The following TOX2 variants were observed in gnomAD, a reference collection of about 807,000 sequenced individuals.
TOX2 encodes granulosa cell HMG box 1.
TOX2 carries 15 observed loss-of-function variants against 47.4 expected under a neutral mutation model. The observed-to-expected ratio is 0.32, with a 90% confidence interval of 0.21 to 0.49. TOX2 has a LOEUF of 0.49. Among genes scored for constraint, TOX2 ranks in the 20% least tolerant of loss-of-function variants. TOX2 has a pLI of 0.99. For missense variants in TOX2, 622 were observed against 673.1 expected, an observed-to-expected ratio of 0.92 and a Z score of 0.84; for synonymous variants, 290 against 296.6, an observed-to-expected ratio of 0.98 and a Z score of 0.23.
At chr20:43,977,691 G>T (rs2070106294) in intron 2 of TOX2, among the ~76,000 whole-genome samples, 1 of 152,010 alleles carries the variant, frequency 6.6e-6, no homozygotes, top group Non-Finnish European at 1.5e-5. Flanking sequence ...TCCCTCCTTG[G>T]ACCTTGGGTT....
intron 3 of TOX2, among the ~76,000 whole-genome samples, chr20:44,028,180 A>T (rs2145677470): frequency 6.6e-6 from 1 of 152,312 alleles, no homozygotes; most frequent in South Asian, 2.1e-4. Flanking sequence ...GAGCCAGGGA[A>T]GGCCTCCTGA....
chr20:43,957,567 C>CTTTGT (rs773464627), intron 1 of TOX2, among the ~76,000 whole-genome samples: 21 of 105,794 alleles, frequency 2.0e-4, no homozygotes, highest in African/African-American at 6.6e-4. Flanking sequence ...TAAATGCCCT[C>CTTTGT]TTTTTTTTTT....
intron 3 of TOX2, among the ~76,000 whole-genome samples, chr20:44,011,375 GA>G (rs2070775815): frequency 6.6e-6 from 1 of 152,190 alleles, no homozygotes; most frequent in Admixed American, 6.5e-5. Context: ...TGCAGATGGA[GA>G]GAAGGTGAAA....
At chr20:44,066,685 C>G in intron 7 of TOX2, 45 bp from the exon 8 acceptor site, 1 of 1,613,790 alleles carries the variant, frequency 6.2e-7, no homozygotes, top group Non-Finnish European at 8.5e-7. Context: ...CAGTCTGCCC[C>G]CTCATCTCTC....
At chr20:44,010,026 G>A (rs6073280) in intron 3 of TOX2, among the ~76,000 whole-genome samples, 96,606 of 152,148 alleles carry the variant, frequency 0.63, 30,861 homozygotes, top group South Asian at 0.7. Context: ...GAAGTGTATC[G>A]GAGATAATGT....
intron 3 of TOX2, among the ~76,000 whole-genome samples, chr20:44,013,758 T>A (rs1223494944): frequency 6.6e-6 from 1 of 152,132 alleles, no homozygotes; most frequent in African/African-American, 2.4e-5. Flanking sequence ...ATGGCCTTAT[T>A]GACATTGCAG....
intron 8 of TOX2, among the ~76,000 whole-genome samples, chr20:44,068,368 T>C (rs1256970022): frequency 1.3e-5 from 2 of 151,992 alleles, no homozygotes. Context: ...GTGAGAGCAA[T>C]GGTGACATCG....
chr20:44,012,698 C>T (rs148176271), intron 3 of TOX2, among the ~76,000 whole-genome samples: 188 of 152,266 alleles, frequency 1.2e-3, no homozygotes, highest in African/African-American at 4.5e-3. Context: ...GGTGAACTCA[C>T]AAATAGGAAA....
Position 43,934,158 on chromosome 20 carries a change from AG to A in TOX2, c.99+19169del, listed in dbSNP as rs1337091631. 2.1e-4 allele frequency among the ~76,000 whole-genome samples: 31 copies of A among 150,594 alleles called. 1 individual carries two copies. In the East Asian group the frequency reaches 5.9e-3, roughly 28 times the overall value. The stretch of plus-strand genomic sequence containing the variant: ...TAAGGAGAGAGAGAGAGAGAGAGAG[AG>A]AGAGAGAGACCTGCCCTCAGTCAGA... On this transcript the variant is annotated intron_variant, in intron 1 of 8. Transcript: ENST00000341197.
intron 1 of TOX2, among the ~76,000 whole-genome samples, chr20:43,946,806 G>A (rs1424491634): frequency 6.6e-6 from 1 of 152,154 alleles, no homozygotes; most frequent in Non-Finnish European, 1.5e-5. Context: ...CTTGGTGATG[G>A]GAGTTGACTG....
rs533379273 is a variant in TOX2 at position 43,993,374 on chromosome 20, G to C, written c.166-13173G>C. On this transcript the variant is annotated intron_variant, in intron 2 of 8. Coordinates refer to ENST00000341197, the MANE Select transcript of TOX2 (RefSeq NM_001098797.2). ...GGGAGGTGATGACCGCTTGGACTAG[G>C]ATGGTTGCTCTGCAGATGGATTGTG... 2.6e-5 allele frequency among the ~76,000 whole-genome samples: 4 copies of C among 152,328 alleles called. No homozygotes were observed. The South Asian group carries it at 8.3e-4, about 32-fold the overall frequency.
chr20:44,003,941 A>G (rs2070632928), intron 2 of TOX2, among the ~76,000 whole-genome samples: 1 of 152,228 alleles, frequency 6.6e-6, no homozygotes, highest in Non-Finnish European at 1.5e-5. Context: ...TGTGATGATC[A>G]TCTTGACAGA....
At chr20:44,038,898 T>C (rs1260485020) in intron 3 of TOX2, 2 of 1,155,788 alleles carry the variant, frequency 1.7e-6, no homozygotes, top group African/African-American at 3.2e-5. Flanking sequence ...GCGAAGCTAT[T>C]AAGCTCTGCG....
At chr20:43,995,673 C>A (rs2070462643) in intron 2 of TOX2, among the ~76,000 whole-genome samples, 1 of 152,176 alleles carries the variant, frequency 6.6e-6, no homozygotes, top group South Asian at 2.1e-4. Flanking sequence ...TCCTCCCACC[C>A]TCAAGTAGAA....
At chr20:43,937,707 G>A (rs2145338609) in intron 1 of TOX2, among the ~76,000 whole-genome samples, 1 of 152,230 alleles carries the variant, frequency 6.6e-6, no homozygotes, top group South Asian at 2.1e-4. Context: ...CCATGTGCAG[G>A]GCTGGGAGGG....
At chr20:44,048,500 C>T (rs2071454796) in intron 3 of TOX2, among the ~76,000 whole-genome samples, 1 of 148,944 alleles carries the variant, frequency 6.7e-6, no homozygotes, top group African/African-American at 2.5e-5. Flanking sequence ...ACAAAAAGCA[C>T]TGGGCCTCAG....
At chr20:43,918,448 C>T (rs941583540) in intron 1 of TOX2, among the ~76,000 whole-genome samples, 2 of 152,150 alleles carry the variant, frequency 1.3e-5, no homozygotes, top group African/African-American at 4.8e-5. Flanking sequence ...CCAGGAAGTT[C>T]CCTCACATCC....
intron 5 of TOX2, among the ~76,000 whole-genome samples, chr20:44,057,981 AGCAGAAAAATG>A (rs2071651352): frequency 6.6e-6 from 1 of 151,578 alleles, no homozygotes; most frequent in African/African-American, 2.4e-5. Flanking sequence ...GCAGTTTTAG[AGCAGAAAAATG>A]GCAGGAAGGA....
intron 4 of TOX2, among the ~76,000 whole-genome samples, chr20:44,053,487 CA>C (rs1176369564): frequency 6.8e-6 from 1 of 146,630 alleles, no homozygotes; most frequent in Non-Finnish European, 1.5e-5. Context: ...TATATACACA[CA>C]TATATATACA....
Sources: allele counts gnomAD v4.1 joint callset (sites outside exome capture counted in the v4.1 genomes callset), GRCh38; gene constraint gnomAD v4.1.1; transcripts MANE v1.5; gene names NCBI Gene and HGNC (gene_info 2026-07-23, HGNC 2026-07-21).